SUPT3H: variants seen among roughly 807,000 people sequenced by gnomAD.
SUPT3H encodes the protein SPT3 homolog, SAGA and STAGA complex component.
SUPT3H carries 44 observed loss-of-function variants against 44.3 expected under a neutral mutation model. The observed-to-expected ratio is 0.99, with a 90% confidence interval of 0.78 to 1.28. The LOEUF (loss-of-function observed/expected upper bound fraction) is 1.28, where lower values mean the gene tolerates loss of function less well. Ranked by LOEUF, SUPT3H falls within the 50% of genes most tolerant of loss-of-function variation. The pLI, the probability that SUPT3H is intolerant of heterozygous loss-of-function variation, is 0.00. For missense variants in SUPT3H, 380 were observed against 387.1 expected (o/e 0.98, Z 0.15); for synonymous variants, 124 against 125.6 (o/e 0.99, Z 0.09).
rs75851846 is a variant in SUPT3H at position 45,376,923 on chromosome 6, C to G, written c.-1+845G>C. Among the ~76,000 whole-genome samples, 246 of 151,812 alleles carry G rather than the reference C, an allele frequency of 1.6e-3. 2 individuals carry two copies. Among genetic ancestry groups the G allele is most frequent in the African/African-American group, 5.6e-3 (232 of 41,130 alleles). On this transcript the variant is annotated intron_variant, in intron 1 of 10. Coordinates refer to ENST00000371459, the MANE Select transcript of SUPT3H (RefSeq NM_003599.4). ...TATACATATATATACACACACATTT[C>G]TTTCTACCGAAATAACTTAACATTT...
chr6:45,114,543 A>C (rs1160345282), intron 2 of SUPT3H, among the ~76,000 whole-genome samples: 1 of 152,178 alleles, frequency 6.6e-6, no homozygotes, highest in Admixed American at 6.5e-5. Context: ...GCTCATCCAT[A>C]AATATTTATA....
intron 3 of SUPT3H, among the ~76,000 whole-genome samples, chr6:45,104,257 A>G (rs1260071023): frequency 2.0e-5 from 3 of 152,140 alleles, no homozygotes; most frequent in Non-Finnish European, 4.4e-5. Context: ...GTTGTCATAT[A>G]AAAATAGTAA....
At chr6:44,847,958 C>CTT (rs969869912) in intron 10 of SUPT3H, among the ~76,000 whole-genome samples, 679 of 58,390 alleles carry the variant, frequency 0.012, 196 homozygotes, top group African/African-American at 0.025. Flanking sequence ...ATCTCTGTGT[C>CTT]TTTTTTTTTT....
rs542235328 is a variant in SUPT3H at position 45,211,107 on chromosome 6, A to C, written c.102-105101T>G. ...TTACACTTCCATTTTTTTTAAACAA[A>C]GAAGAAAAAAATTTTAATGAGTCAA... On this transcript the variant is annotated intron_variant, in intron 2 of 10. Coordinates refer to ENST00000371459, the MANE Select transcript of SUPT3H (RefSeq NM_003599.4). 5.3e-5 allele frequency among the ~76,000 whole-genome samples: 8 copies of C among 152,344 alleles called. No individual in the cohort carries two copies. The South Asian group carries it at 1.7e-3, about 32-fold the overall frequency.
intron 10 of SUPT3H, among the ~76,000 whole-genome samples, chr6:44,884,899 G>T (rs546942542): frequency 2.6e-5 from 4 of 152,112 alleles, no homozygotes; most frequent in Non-Finnish European, 5.9e-5. Flanking sequence ...CGAAAATCGG[G>T]TCACTCCCAC....
chr6:45,313,830 A>T (rs1381962849), intron 2 of SUPT3H, among the ~76,000 whole-genome samples: 3 of 152,080 alleles, frequency 2.0e-5, no homozygotes, highest in Non-Finnish European at 2.9e-5. Flanking sequence ...CCAGGGAAGG[A>T]CATAACCAAA....
At chr6:44,974,362 C>T (rs1458864563) in intron 6 of SUPT3H, among the ~76,000 whole-genome samples, 1 of 151,772 alleles carries the variant, frequency 6.6e-6, no homozygotes, top group Non-Finnish European at 1.5e-5. Flanking sequence ...CCTTATGGAA[C>T]CCTCATAAAT....
At chr6:45,356,308 A>G (rs1393350117) in intron 2 of SUPT3H, among the ~76,000 whole-genome samples, 1 of 152,104 alleles carries the variant, frequency 6.6e-6, no homozygotes, top group Non-Finnish European at 1.5e-5. Context: ...TATATATTTT[A>G]GTATATTAAA....
chr6:44,868,299 G>A (rs1320963291), intron 10 of SUPT3H, among the ~76,000 whole-genome samples: 2 of 152,104 alleles, frequency 1.3e-5, no homozygotes, highest in African/African-American at 4.8e-5. Context: ...CATGCTGGAA[G>A]CAAACAGAAT....
chr6:45,240,181 CAGG>C (rs576188386), intron 2 of SUPT3H, among the ~76,000 whole-genome samples: 19 of 152,252 alleles, frequency 1.2e-4, no homozygotes, highest in African/African-American at 4.3e-4. Flanking sequence ...GACATTCTAG[CAGG>C]ATTGCGAGGA....
chr6:44,894,147 G>A lies in SUPT3H; in HGVS notation c.912+38506C>T, dbSNP rs1332682008. ...GCCCTTTGTCAGATGAGTAGGTTGC[G>A]AAAATTTTCTCCCATGTTGTAGGTT... On this transcript the variant is annotated intron_variant, in intron 10 of 10. Transcript: ENST00000371459. Among the ~76,000 whole-genome samples the A allele has an allele frequency of 6.6e-3, 866 of 131,526 alleles. 10 individuals are homozygous for A. The highest frequency in any genetic ancestry group is 9.4e-3 in the Non-Finnish European group (566 of 60,362). The allele number at this position is 131,526 out of a possible 152,430, so 86.3% of individuals were successfully genotyped here.
At chr6:45,045,348 C>T (rs145848993) in intron 3 of SUPT3H, among the ~76,000 whole-genome samples, 7 of 152,282 alleles carry the variant, frequency 4.6e-5, no homozygotes, top group African/African-American at 1.7e-4. Context: ...AAGCCAAAAA[C>T]ATCAAAGTAT....
chr6:45,366,937 TTAATA>T (rs1795235021), intron 1 of SUPT3H, among the ~76,000 whole-genome samples: 1 of 152,188 alleles, frequency 6.6e-6, no homozygotes, highest in Admixed American at 6.6e-5. Context: ...ATTTATCTTC[TTAATA>T]TATCTTTCTA....
At position 45,176,223 on chromosome 6, in the gene SUPT3H, G is replaced by C. The variant is rs531098870; in HGVS notation, c.102-70217C>G. Among the ~76,000 whole-genome samples, 40 of 151,732 alleles carry C rather than the reference G, an allele frequency of 2.6e-4. No individual in the cohort carries two copies. The East Asian group carries it at 6.8e-3, about 26-fold the overall frequency. On this transcript the variant is annotated intron_variant, in intron 2 of 10. Transcript: ENST00000371459. ...GCGCAGGTCAGTGGGTGCGCGCACC[G>C]TGCGCGAGCCGAAGCAGGGCGAGGC... is the stretch of plus-strand genomic sequence containing the variant.
At chr6:45,374,268 T>C (rs1395106118) in intron 1 of SUPT3H, among the ~76,000 whole-genome samples, 1 of 152,206 alleles carries the variant, frequency 6.6e-6, no homozygotes, top group Admixed American at 6.5e-5. Context: ...CAGAACATTA[T>C]TATCACTTCT....
chr6:44,976,275 C>A (rs1391564673), intron 6 of SUPT3H, among the ~76,000 whole-genome samples: 2 of 152,058 alleles, frequency 1.3e-5, no homozygotes, highest in Non-Finnish European at 2.9e-5. Flanking sequence ...TCATAACAAT[C>A]AAAAATGCTT....
chr6:45,112,019 A>C (rs1800143584), intron 2 of SUPT3H, among the ~76,000 whole-genome samples: 1 of 152,232 alleles, frequency 6.6e-6, no homozygotes, highest in East Asian at 1.9e-4. Flanking sequence ...AGTTCCCACT[A>C]TGCTATTAAG....
intron 10 of SUPT3H, among the ~76,000 whole-genome samples, chr6:44,846,813 G>A (rs1561878060): frequency 6.6e-6 from 1 of 152,014 alleles, no homozygotes; most frequent in African/African-American, 2.4e-5. Flanking sequence ...TGTATTTTTG[G>A]TAGAGACGGG....
At chr6:45,366,333 G>C (rs1315509875) in intron 1 of SUPT3H, among the ~76,000 whole-genome samples, 2 of 152,054 alleles carry the variant, frequency 1.3e-5, no homozygotes, top group African/African-American at 4.8e-5. Context: ...CTTTGGGCAA[G>C]TTACCTAACT....
Sources: allele counts gnomAD v4.1 joint callset (sites outside exome capture counted in the v4.1 genomes callset), GRCh38; gene constraint gnomAD v4.1.1; transcripts MANE v1.5; gene names NCBI Gene and HGNC (gene_info 2026-07-23, HGNC 2026-07-21).